The following CHLSN variants were observed in gnomAD, a reference collection of about 807,000 sequenced individuals.
CHLSN encodes the protein protein cholesin.
the CHLSN span, among the ~76,000 whole-genome samples, chr7:1,102,244 G>A: frequency 1.4e-3 from 219 of 152,366 alleles, no homozygotes; most frequent in Non-Finnish European, 2.6e-3. Flanking sequence ...TCAGAGCTGC[G>A]TGCCCAGCAC....
chr7:1,136,519 AATATATATAAAC>A, the CHLSN span, among the ~76,000 whole-genome samples: 1 of 99,606 alleles, frequency 1.0e-5, no homozygotes, highest in South Asian at 2.9e-4. Context: ...AACATATATA[AATATATATAAAC>A]ATATATATGA....
chr7:1,109,280 T>G, the CHLSN span: 1 of 152,212 alleles, frequency 6.6e-6, no homozygotes, highest in Admixed American at 6.5e-5. Context: ...CTGCATTACC[T>G]AAACTTTCAT....
the CHLSN span, among the ~76,000 whole-genome samples, chr7:1,117,553 A>G: frequency 0.022 from 2,356 of 105,106 alleles, 88 homozygotes; most frequent in Middle Eastern, 0.036. Context: ...TTCCATCACC[A>G]ATGTCCACGC....
the CHLSN span, among the ~76,000 whole-genome samples, chr7:981,296 CAA>C: frequency 3.1e-4 from 26 of 84,370 alleles, no homozygotes; most frequent in Non-Finnish European, 1.8e-4. Flanking sequence ...GACTCCATCT[CAA>C]AAAAAAAAAA....
chr7:1,045,214 G>T, the CHLSN span: 1 of 152,226 alleles, frequency 6.6e-6, no homozygotes, highest in Non-Finnish European at 1.5e-5. Flanking sequence ...TACAAACCTG[G>T]CAAGTCAGTT....
chr7:1,087,669 GA>G, the CHLSN span, among the ~76,000 whole-genome samples: 24 of 152,300 alleles, frequency 1.6e-4, no homozygotes, highest in South Asian at 5.0e-3. Context: ...TTACTTGTCA[GA>G]AATGCCTATT....
the CHLSN span, chr7:1,092,051 T>C: frequency 3.7e-6 from 6 of 1,613,924 alleles, no homozygotes; most frequent in Non-Finnish European, 5.1e-6. Context: ...GACCTCATCC[T>C]GGTGGCCGAC....
At chr7:1,037,116 A>C in the CHLSN span, among the ~76,000 whole-genome samples, 2 of 147,432 alleles carry the variant, frequency 1.4e-5, no homozygotes, top group African/African-American at 4.9e-5. Flanking sequence ...GTCTCAAAAA[A>C]AAATTTTTTT....
chr7:1,124,997 G>T, the CHLSN span, among the ~76,000 whole-genome samples: 1 of 152,232 alleles, frequency 6.6e-6, no homozygotes, highest in Admixed American at 6.5e-5. Context: ...CGCCCGGGGG[G>T]TGGCAGTGAG....
chr7:1,020,059 C>T, the CHLSN span, among the ~76,000 whole-genome samples: 1 of 152,208 alleles, frequency 6.6e-6, no homozygotes, highest in Non-Finnish European at 1.5e-5. Flanking sequence ...AGCCTCTCTT[C>T]CCACTGAGGA....
the CHLSN span, chr7:1,127,495 AGTATTATGG>A: frequency 4.9e-6 from 5 of 1,026,194 alleles, no homozygotes; most frequent in South Asian, 1.8e-5. Context: ...AAAAAAAAAG[AGTATTATGG>A]AAAACATATA....
chr7:1,074,940 T>G, the CHLSN span, among the ~76,000 whole-genome samples: 1 of 152,158 alleles, frequency 6.6e-6, no homozygotes, highest in Non-Finnish European at 1.5e-5. Context: ...CAGACGTCCC[T>G]CCAGCCTGGT....
chr7:1,122,418 C>T, the CHLSN span, among the ~76,000 whole-genome samples: 1 of 152,234 alleles, frequency 6.6e-6, no homozygotes, highest in Non-Finnish European at 1.5e-5. Flanking sequence ...CCAGCAGCCA[C>T]TCGGCTGGCT....
chr7:1,021,516 AC>A, the CHLSN span: 3 of 985,246 alleles, frequency 3.0e-6, no homozygotes, highest in Non-Finnish European at 2.4e-6. Context: ...TGGAGCTGGG[AC>A]CCCAGGGAGC....
At chr7:1,050,207 C>T in the CHLSN span, among the ~76,000 whole-genome samples, 3 of 152,256 alleles carry the variant, frequency 2.0e-5, no homozygotes, top group Admixed American at 6.5e-5. Context: ...CCTGTGCACC[C>T]TGTGGGCAGT....
the CHLSN span, among the ~76,000 whole-genome samples, chr7:1,094,629 ACTCT>A: frequency 6.6e-6 from 1 of 151,280 alleles, no homozygotes; most frequent in Non-Finnish European, 1.5e-5. Context: ...AGTCCAGGAA[ACTCT>A]CTCCTCCCGT....
At chr7:1,043,091 C>CA in the CHLSN span, among the ~76,000 whole-genome samples, 56,038 of 135,096 alleles carry the variant, frequency 0.41, 11,017 homozygotes, top group Non-Finnish European at 0.42. Context: ...ATCTCTACTA[C>CA]AAAAAAAAAA....
chr7:981,278 G>A, the CHLSN span, among the ~76,000 whole-genome samples: 2 of 147,930 alleles, frequency 1.4e-5, no homozygotes, highest in Non-Finnish European at 3.0e-5. Context: ...CCTGGATGAC[G>A]AGAGTGAGAC....
the CHLSN span, among the ~76,000 whole-genome samples, chr7:1,069,195 G>C: frequency 6.6e-6 from 1 of 152,234 alleles, no homozygotes; most frequent in African/African-American, 2.4e-5. Flanking sequence ...GCTGGGCGTG[G>C]TGGCACATGC....
Sources: gnomAD v4.1 joint callset for allele counts (sites outside exome capture counted in the v4.1 genomes callset) on GRCh38, gnomAD v4.1.1 for gene constraint, MANE v1.5 for transcripts, NCBI Gene and HGNC (gene_info 2026-07-23, HGNC 2026-07-21) for gene names.